COX10: variants seen among roughly 807,000 people sequenced by gnomAD.
COX10 encodes cytochrome c oxidase assembly factor heme A:farnesyltransferase COX10.
Under a neutral mutation model 37.3 loss-of-function variants are expected in COX10, and 27 were observed. That is an observed-to-expected ratio of 0.72 (90% CI 0.53 to 1.00). The LOEUF (loss-of-function observed/expected upper bound fraction) is 1.00. COX10 is among the 50% of genes least tolerant of loss of function. The pLI, the probability that COX10 is intolerant of heterozygous loss-of-function variation, is 0.00. For missense variants in COX10, 475 were observed against 563.2 expected, an observed-to-expected ratio of 0.84 and a Z score of 1.59; for synonymous variants, 222 against 229.1, an observed-to-expected ratio of 0.97 and a Z score of 0.28.
At chr17:14,141,705 A>G (rs1904550261) in intron 4 of COX10, among the ~76,000 whole-genome samples, 1 of 152,080 alleles carries the variant, frequency 6.6e-6, no homozygotes, top group South Asian at 2.1e-4. Context: ...TTTATTATCT[A>G]ACATTGTTTT....
intron 5 of COX10, among the ~76,000 whole-genome samples, chr17:14,170,357 A>G (rs1353362267): frequency 6.6e-6 from 1 of 152,218 alleles, no homozygotes; most frequent in Non-Finnish European, 1.5e-5. Context: ...GCCAATTAGC[A>G]ATTTTACAAA....
rs756716339 is a variant in COX10, at chr17:14,074,374, C to G, written c.95C>G (p.Ser32Cys). 6.2e-7 allele frequency: 1 copy of G among 1,613,818 alleles called. No individual in the cohort carries two copies. The highest frequency in any genetic ancestry group is 1.7e-5 in the Admixed American group (1 of 60,020). ...CTTGAAAGAAGAACTATACAGGACT[C>G]CCCTCACAAGTTCTTACATCTTCTC... is the stretch of plus-strand genomic sequence containing the variant. ...WYLERRTIQD[S>C]PHKFLHLLRN... The change falls in exon 2 of 7, where the codon TCC (serine) becomes TGC (cysteine). Residue 32 changes from serine (S) to cysteine (C), a missense_variant. Physicochemically the swap from Ser to Cys is moderately radical, Grantham distance 112. Transcript: ENST00000261643.
At position 14,207,435 on chromosome 17, in the gene COX10, A is replaced by C; in HGVS notation, c.*222A>C. On this transcript the variant is annotated 3_prime_UTR_variant, in exon 7 of 7. Transcript: ENST00000261643. ...AGTCAGTGAATACAAAAAAGGAATT[A>C]TTTTTCCCTTTGAGGGTCTTTATAC... The C allele has an allele frequency of 1.6e-6, 1 of 616,978 alleles. No homozygotes were observed. Among genetic ancestry groups the C allele is most frequent in the Non-Finnish European group, 2.7e-6 (1 of 372,330 alleles). 38.2% of individuals were successfully genotyped at this position (616,978 alleles called of 1,614,324 possible).
At chr17:14,189,125 T>G (rs1390492362) in intron 5 of COX10, among the ~76,000 whole-genome samples, 1 of 147,724 alleles carries the variant, frequency 6.8e-6, no homozygotes, top group Non-Finnish European at 1.5e-5. Flanking sequence ...CTTGATCCCA[T>G]TTGTTTAAAA....
At position 14,191,842 on chromosome 17, in the gene COX10, G is replaced by A. The variant is rs1484287130; in HGVS notation, c.696-147G>A. 6.4e-6 allele frequency: 5 copies of A among 784,676 alleles called. No individual in the cohort carries two copies. In the East Asian group the frequency reaches 1.1e-4, roughly 17 times the overall value. The allele number at this position is 784,676 out of a possible 1,614,324, so 48.6% of individuals were successfully genotyped here. On this transcript the variant is annotated intron_variant, in intron 5 of 6. Coordinates refer to ENST00000261643, the MANE Select transcript of COX10 (RefSeq NM_001303.4). ...TCTTATTATAAGTTTGTTTCATAAA[G>A]AGGATTCCCCATATCCAGGAATCAG...
chr17:14,192,650 AG>A (rs1906241662), intron 6 of COX10, among the ~76,000 whole-genome samples: 1 of 152,174 alleles, frequency 6.6e-6, no homozygotes, highest in Admixed American at 6.5e-5. Flanking sequence ...CTCTTATGAA[AG>A]GGCAGATTAT....
At chr17:14,158,851 G>A (rs58714805) in intron 4 of COX10, among the ~76,000 whole-genome samples, 20,822 of 152,026 alleles carry the variant, frequency 0.14, 2,005 homozygotes, top group East Asian at 0.39. Flanking sequence ...TTATTGTTTC[G>A]TCTGTTGATT....
intron 1 of COX10, 100 bp from the exon 2 acceptor site, chr17:14,074,223 C>T: frequency 7.6e-7 from 1 of 1,317,118 alleles, no homozygotes; most frequent in East Asian, 2.3e-5. Context: ...CAGTGTAGCG[C>T]TTACCTTAGT....
chr17:14,135,928 A>C (rs1344544012), intron 4 of COX10, among the ~76,000 whole-genome samples: 1 of 151,976 alleles, frequency 6.6e-6, no homozygotes, highest in Non-Finnish European at 1.5e-5. Flanking sequence ...TCATCAAATA[A>C]GTTGTTTGGA....
intron 3 of COX10, among the ~76,000 whole-genome samples, chr17:14,100,098 G>A (rs540059455): frequency 2.0e-5 from 3 of 152,112 alleles, no homozygotes; most frequent in Admixed American, 1.3e-4. Context: ...TAATGGCATG[G>A]CCTCTTAACA....
At chr17:14,188,755 T>C (rs1906114444) in intron 5 of COX10, among the ~76,000 whole-genome samples, 1 of 152,168 alleles carries the variant, frequency 6.6e-6, no homozygotes, top group South Asian at 2.1e-4. Context: ...AGGTTGCCCG[T>C]GTTTGATGAG....
chr17:14,194,212 C>T (rs907427109), intron 6 of COX10, among the ~76,000 whole-genome samples: 1 of 151,886 alleles, frequency 6.6e-6, no homozygotes, highest in South Asian at 2.1e-4. Flanking sequence ...GTCCTAGGGC[C>T]CAGGTTCTTG....
chr17:14,188,381 T>C (rs866514009), intron 5 of COX10, among the ~76,000 whole-genome samples: 2 of 151,904 alleles, frequency 1.3e-5, no homozygotes, highest in African/African-American at 4.8e-5. Context: ...AATCATATTG[T>C]GTGCCATGTT....
At chr17:14,075,991 C>CACAAAAA (rs1915138444) in intron 2 of COX10, among the ~76,000 whole-genome samples, 1 of 83,432 alleles carries the variant, frequency 1.2e-5, no homozygotes, top group African/African-American at 4.6e-5. Context: ...GGCTCCATCT[C>CACAAAAA]AAAAAAAAAA....
chr17:14,151,445 C>T (rs1388754528), intron 4 of COX10, among the ~76,000 whole-genome samples: 1 of 151,586 alleles, frequency 6.6e-6, no homozygotes, highest in Non-Finnish European at 1.5e-5. Context: ...TTCTATTCTT[C>T]CATGGATGAT....
chr17:14,207,241 C>A lies in COX10; in HGVS notation c.*28C>A. 6.5e-7 allele frequency: 1 copy of A among 1,544,098 alleles called. No homozygotes were observed. ...GCACTGGGACGCCCACCGCCCCTTT[C>A]CCTCCGCTGCCAGGCGAGCATGTTG... On this transcript the variant is annotated 3_prime_UTR_variant, in exon 7 of 7. Transcript: ENST00000261643.
At chr17:14,172,925 T>C (rs1905528096) in intron 5 of COX10, among the ~76,000 whole-genome samples, 1 of 152,138 alleles carries the variant, frequency 6.6e-6, no homozygotes, top group African/African-American at 2.4e-5. Flanking sequence ...ACTCCTGGCC[T>C]CAAGTGATCT....
At chr17:14,093,275 A>C (rs1915568722) in intron 3 of COX10, among the ~76,000 whole-genome samples, 1 of 152,144 alleles carries the variant, frequency 6.6e-6, no homozygotes, top group African/African-American at 2.4e-5. Context: ...AGTGCTAAAA[A>C]ATAGTGAGTC....
chr17:14,147,812 A>C (rs1904769298), intron 4 of COX10, among the ~76,000 whole-genome samples: 1 of 98,078 alleles, frequency 1.0e-5, no homozygotes, highest in South Asian at 3.5e-4. Context: ...AAGAAAACAC[A>C]GGGTCTTTAT....
Sources: gnomAD v4.1 joint callset for allele counts (sites outside exome capture counted in the v4.1 genomes callset) on GRCh38, gnomAD v4.1.1 for gene constraint, MANE v1.5 for transcripts, NCBI Gene and HGNC (gene_info 2026-07-23, HGNC 2026-07-21) for gene names.